CPPED1: variants seen among roughly 807,000 people sequenced by gnomAD.
The protein encoded by CPPED1 is calcineurin like phosphoesterase domain containing 1.
In CPPED1, 28 loss-of-function variants were observed where a neutral mutation model predicts 28.0. The observed-to-expected ratio is 1.00, with a 90% CI of 0.74 to 1.37. The LOEUF (loss-of-function observed/expected upper bound fraction) is 1.37. CPPED1 is among the 40% of genes most tolerant of loss of function. The pLI is 0.00. For synonymous variants in CPPED1, 198 were observed against 180.2 expected (o/e 1.10, Z -0.79); for missense variants, 504 against 416.5 (o/e 1.21, Z -1.83).
rs3748980 is a variant in CPPED1 at position 12,781,218 on chromosome 16, C to T, written c.256G>A (p.Val86Ile). 208 of 1,613,938 alleles carry T rather than the reference C, an allele frequency of 1.3e-4. 4 individuals carry two copies. The East Asian group carries it at 3.1e-3, about 24-fold the overall frequency. ...GCGTGGATGAGGTCGCCGCACAGAA[C>T]GAAGAATTTGGGTTTGGGGTTCAGC... ...NKLNPKPKFFVLCGDLIHAMP... is the reference protein window; with the variant it reads ...NKLNPKPKFFILCGDLIHAMP... The change falls in exon 2 of 4, where the codon GTT (valine) becomes ATT (isoleucine). Residue 86 changes from valine to isoleucine, a missense_variant. Coordinates refer to ENST00000381774, the MANE Select transcript of CPPED1 (RefSeq NM_018340.3).
intron 2 of CPPED1, among the ~76,000 whole-genome samples, chr16:12,757,028 T>C (rs1484938282): frequency 6.6e-6 from 1 of 152,206 alleles, no homozygotes; most frequent in East Asian, 1.9e-4. Flanking sequence ...TAGGACCCTA[T>C]TATAGCACCT....
intron 2 of CPPED1, among the ~76,000 whole-genome samples, chr16:12,718,910 C>G (rs966682690): frequency 1.1e-4 from 16 of 152,120 alleles, no homozygotes; most frequent in African/African-American, 3.6e-4. Flanking sequence ...TTGCAGTGAG[C>G]TGAGATCCTT....
chr16:12,695,457 G>C (rs1465081765), intron 3 of CPPED1, among the ~76,000 whole-genome samples: 1 of 151,946 alleles, frequency 6.6e-6, no homozygotes, highest in Non-Finnish European at 1.5e-5. Context: ...TTTTCGCAAA[G>C]ACAGAGTCTC....
At chr16:12,679,810 G>A (rs117600702) in intron 3 of CPPED1, among the ~76,000 whole-genome samples, 1,977 of 152,244 alleles carry the variant, frequency 0.013, 23 homozygotes, top group Middle Eastern at 0.041. Flanking sequence ...CCCTCCCCAA[G>A]AGCAGTGACA....
intron 3 of CPPED1, among the ~76,000 whole-genome samples, chr16:12,703,784 T>C (rs988837416): frequency 2.0e-5 from 3 of 151,304 alleles, no homozygotes; most frequent in African/African-American, 7.3e-5. Context: ...AAATCACTGG[T>C]AACCCAGGGA....
intron 2 of CPPED1, chr16:12,761,306 G>GA (rs796459381): frequency 0.014 from 2,132 of 147,708 alleles, 57 homozygotes; most frequent in African/African-American, 0.05. Context: ...AAAAGAAAAA[G>GA]AAAAAAAAAG....
chr16:12,689,218 T>A (rs1255361820), intron 3 of CPPED1, among the ~76,000 whole-genome samples: 1 of 58,860 alleles, frequency 1.7e-5, no homozygotes, highest in African/African-American at 1.9e-4. Flanking sequence ...AAAAGAGGGC[T>A]TTTTTTTTTT....
At chr16:12,780,573 A>G (rs989640714) in intron 2 of CPPED1, among the ~76,000 whole-genome samples, 2 of 152,154 alleles carry the variant, frequency 1.3e-5, no homozygotes, top group African/African-American at 4.8e-5. Context: ...GCCACTATCT[A>G]GAGAGAGCCT....
chr16:12,697,886 C>T (rs1051782895), intron 3 of CPPED1, among the ~76,000 whole-genome samples: 11 of 152,026 alleles, frequency 7.2e-5, no homozygotes, highest in Admixed American at 3.3e-4. Context: ...CCAAGGTGAG[C>T]GGATCACTTG....
intron 2 of CPPED1, among the ~76,000 whole-genome samples, chr16:12,723,733 G>A (rs118092007): frequency 0.014 from 2,114 of 152,294 alleles, 19 homozygotes; most frequent in Admixed American, 0.02. Flanking sequence ...GAGCAGCTGT[G>A]CTTCTCTTAC....
At position 12,722,554 on chromosome 16, in the gene CPPED1, C is replaced by T. The variant is rs144532954; in HGVS notation, c.290-17505G>A. Among the ~76,000 whole-genome samples, 167 of 152,294 alleles carry T rather than the reference C, an allele frequency of 1.1e-3. 2 individuals are homozygous for T. The highest frequency in any genetic ancestry group is 2.6e-4 in the Admixed American group (4 of 15,300). On this transcript the variant is annotated intron_variant, in intron 2 of 3. Coordinates refer to ENST00000381774, the MANE Select transcript of CPPED1 (RefSeq NM_018340.3). ...AGAGTTCAGACCAGCCTGGGCAACA[C>T]GGCGAGACCCTGTCTCTACAAAAAT...
chr16:12,758,093 C>G (rs2080383571), intron 2 of CPPED1, among the ~76,000 whole-genome samples: 1 of 152,044 alleles, frequency 6.6e-6, no homozygotes, highest in African/African-American at 2.4e-5. Context: ...ACTTTTCCTT[C>G]CTGCAGGAAA....
In CPPED1 at chr16:12,766,256, TAG is replaced by T. The variant is rs1555490100; in HGVS notation, c.289+14927_289+14928del. On this transcript the variant is annotated intron_variant, in intron 2 of 3. Transcript: ENST00000381774. ...AAAAAAATACAAATATATATATATA[TAG>T]AGAGAGAGAGAGAGAGAGGGAGAGA... is the stretch of plus-strand genomic sequence containing the variant. 4.2e-4 allele frequency among the ~76,000 whole-genome samples: 56 copies of T among 134,122 alleles called. 1 individual carries two copies. Among genetic ancestry groups the T allele is most frequent in the East Asian group, 9.9e-4 (5 of 5,076 alleles). The allele number at this position is 134,122 out of a possible 152,430, so 88.0% of individuals were successfully genotyped here. A position where few individuals can be genotyped will look rare whatever the true frequency, so the allele number is the denominator to read the frequency against.
chr16:12,718,086 G>A (rs892961916), intron 2 of CPPED1, among the ~76,000 whole-genome samples: 3 of 152,242 alleles, frequency 2.0e-5, no homozygotes, highest in African/African-American at 7.2e-5. Flanking sequence ...AGTAGATACA[G>A]CAAGAACTCT....
intron 2 of CPPED1, among the ~76,000 whole-genome samples, chr16:12,741,167 G>C (rs959067467): frequency 6.6e-6 from 1 of 152,082 alleles, no homozygotes; most frequent in African/African-American, 2.4e-5. Flanking sequence ...AAATATAGTG[G>C]GCAGGACGGC....
chr16:12,787,405 C>CTTTTTT (rs57802112), intron 1 of CPPED1, among the ~76,000 whole-genome samples: 3 of 140,866 alleles, frequency 2.1e-5, no homozygotes, highest in Non-Finnish European at 4.6e-5. Flanking sequence ...ATTTTTCTTT[C>CTTTTTT]TTTTTTTTTT....
At chr16:12,802,651 G>A (rs940814951) in intron 1 of CPPED1, among the ~76,000 whole-genome samples, 11 of 152,166 alleles carry the variant, frequency 7.2e-5, no homozygotes, top group Admixed American at 2.6e-4. Context: ...ACCTACTTTA[G>A]ATAAGGTAGC....
chr16:12,664,798 A>G lies in CPPED1; in HGVS notation c.*88T>C. The G allele has an allele frequency of 6.4e-7, 1 of 1,562,520 alleles. No homozygotes were observed. Among genetic ancestry groups the G allele is most frequent in the Non-Finnish European group, 8.6e-7 (1 of 1,161,796 alleles). On this transcript the variant is annotated 3_prime_UTR_variant, in exon 4 of 4. Coordinates refer to ENST00000381774, the MANE Select transcript of CPPED1 (RefSeq NM_018340.3). This position sits in a 1 kb window ranked among gnomAD's most constrained non-coding sequence, Gnocchi z 4.2. ...ACAAACCTGCCTGGGCTATTTTTAT[A>G]TTTCAGCAAGAGGTTGTGTGCAGCT...
At chr16:12,719,382 CT>C (rs1276296637) in intron 2 of CPPED1, among the ~76,000 whole-genome samples, 2 of 148,032 alleles carry the variant, frequency 1.4e-5, no homozygotes, top group African/African-American at 2.5e-5. Context: ...AAGAGCGAGA[CT>C]GCGTCTCAAA....
Sources: gnomAD v4.1 joint callset for allele counts (sites outside exome capture counted in the v4.1 genomes callset) on GRCh38, gnomAD v4.1.1 for gene constraint, Gnocchi (gnomAD v3.1) non-coding constraint, MANE v1.5 for transcripts, NCBI Gene and HGNC (gene_info 2026-07-23, HGNC 2026-07-21) for gene names.